The following DYM variants were observed in gnomAD, a reference collection of about 807,000 sequenced individuals.
The protein encoded by DYM is dymeclin.
A neutral mutation model predicts 93.1 loss-of-function variants in DYM; 78 were observed. That is an observed-to-expected ratio of 0.84 (90% confidence interval 0.70 to 1.01). The LOEUF is 1.01. Among genes scored for constraint, DYM ranks in the 50% least tolerant of loss-of-function variants. DYM has a pLI of 0.00. For missense variants in DYM, 789 were observed against 845.0 expected (o/e 0.93, Z 0.82); for synonymous variants, 321 against 319.7 (o/e 1.00, Z -0.04).
intron 17 of DYM, among the ~76,000 whole-genome samples, chr18:49,082,416 A>G (rs576390731): frequency 1.3e-5 from 2 of 152,362 alleles, no homozygotes; most frequent in African/African-American, 4.8e-5. Flanking sequence ...CTTGATACCT[A>G]GAAGCAAAAA....
rs1455199175 is a variant in DYM at position 49,436,289 on chromosome 18, TA to T, written c.-53-5843del. ...CCTAGGCTTCCCAAAGCACTGGAAT[TA>T]GAGGTATGAGCCACCTCTCCCAGCT... On this transcript the variant is annotated intron_variant, in intron 1 of 17. Coordinates refer to ENST00000675505, the MANE Select transcript of DYM (RefSeq NM_001353214.3). 8.5e-5 allele frequency among the ~76,000 whole-genome samples: 13 copies of T among 152,306 alleles called. No individual in the cohort carries two copies. The East Asian group carries it at 2.5e-3, about 29-fold the overall frequency.
chr18:49,286,588 A>T lies in DYM; in HGVS notation c.792T>A (p.Gly264=). The T allele has an allele frequency of 6.2e-7, 1 of 1,613,996 alleles. No homozygotes were observed. The highest frequency in any genetic ancestry group is 1.1e-5 in the South Asian group (1 of 91,082). The change falls in exon 9 of 18, where the codon GGT becomes GGA. Residue 264 remains glycine, a synonymous_variant. Transcript: ENST00000675505. ...ATGLWTVFTL[G]GVGSKAAASP... ...AGGCAGCCGCTTTGCTGCCCACACC[A>T]CCTAGTGTGAAGACAGTCCAGAGTC...
At chr18:49,254,628 T>G (rs1297191564) in intron 13 of DYM, among the ~76,000 whole-genome samples, 1 of 152,200 alleles carries the variant, frequency 6.6e-6, no homozygotes. Flanking sequence ...TATATGCATT[T>G]TTCCCAACTA....
chr18:49,074,681 G>A (rs2144981218), intron 17 of DYM, among the ~76,000 whole-genome samples: 1 of 152,314 alleles, frequency 6.6e-6, no homozygotes. Flanking sequence ...ATACTCATCT[G>A]TGCTTTGTAG....
intron 15 of DYM, among the ~76,000 whole-genome samples, chr18:49,128,969 A>C (rs1237970600): frequency 1.3e-5 from 2 of 152,166 alleles, no homozygotes; most frequent in African/African-American, 4.8e-5. Context: ...GAAGGGAAAT[A>C]ATCTGTAAAC....
At chr18:49,239,909 C>T (rs2093971445) in intron 13 of DYM, among the ~76,000 whole-genome samples, 1 of 152,200 alleles carries the variant, frequency 6.6e-6, no homozygotes, top group Non-Finnish European at 1.5e-5. Flanking sequence ...TATTTCATAA[C>T]CACACCCAGG....
rs755899984 is a variant in DYM at position 49,043,534 on chromosome 18, C to T, written c.*521G>A. ...GTGCCCTCTGACAGGCAACCAAACA[C>T]ACACGACTTCATTTCTTTATTAATT... On this transcript the variant is annotated 3_prime_UTR_variant, in exon 18 of 18. Transcript: ENST00000675505. The T allele has an allele frequency of 6.4e-6, 1 of 155,218 alleles. No individual in the cohort carries two copies. Among genetic ancestry groups the T allele is most frequent in the Non-Finnish European group, 1.4e-5 (1 of 69,986 alleles). The allele number at this position is 155,218 out of a possible 1,614,324, so 9.6% of individuals were successfully genotyped here.
intron 2 of DYM, among the ~76,000 whole-genome samples, chr18:49,407,883 C>A (rs533044102): frequency 1.1e-4 from 17 of 152,108 alleles, no homozygotes; most frequent in African/African-American, 4.1e-4. Flanking sequence ...AAAGAACCAC[C>A]CTGTACATTT....
intron 6 of DYM, among the ~76,000 whole-genome samples, chr18:49,356,508 C>A (rs936296023): frequency 4.6e-5 from 7 of 152,036 alleles, no homozygotes; most frequent in African/African-American, 1.7e-4. Flanking sequence ...CTGTAGTCAC[C>A]CCCCAACCCT....
chr18:49,139,220 TAAAAC>T (rs1242117978), intron 15 of DYM, among the ~76,000 whole-genome samples: 1 of 152,118 alleles, frequency 6.6e-6, no homozygotes, highest in African/African-American at 2.4e-5. Flanking sequence ...TTACTAGACT[TAAAAC>T]AGAAAAAGAG....
intron 13 of DYM, among the ~76,000 whole-genome samples, chr18:49,224,709 C>T (rs77785964): frequency 0.014 from 2,114 of 152,096 alleles, 47 homozygotes; most frequent in African/African-American, 0.048. Context: ...CCAAATCAGT[C>T]GGCGCCTTGA....
intron 17 of DYM, among the ~76,000 whole-genome samples, chr18:49,068,021 T>C (rs765086503): frequency 6.6e-6 from 1 of 152,136 alleles, no homozygotes; most frequent in African/African-American, 2.4e-5. Context: ...AAATACATCA[T>C]AAACATCAAG....
intron 1 of DYM, among the ~76,000 whole-genome samples, chr18:49,453,580 G>A (rs1175145217): frequency 6.6e-6 from 1 of 152,178 alleles, no homozygotes; most frequent in African/African-American, 2.4e-5. Flanking sequence ...AACACTCACC[G>A]TGAGGGTCCG....
At position 49,036,933 on chromosome 18, in the gene DYM, G is replaced by A. The variant is rs372813541; in HGVS notation, c.*7122C>T. 1.9e-4 allele frequency among the ~76,000 whole-genome samples: 28 copies of A among 150,690 alleles called. No homozygotes were observed. In the South Asian group the frequency reaches 4.9e-3, roughly 26 times the overall value. ...TTTATTTATTTTGGGACGGAGTCTC[G>A]CTCTGTTGCCCAGGCTGGAGTGCAG... On this transcript the variant is annotated 3_prime_UTR_variant, in exon 18 of 18. Transcript: ENST00000675505.
intron 6 of DYM, among the ~76,000 whole-genome samples, chr18:49,351,955 T>G (rs902858043): frequency 6.6e-6 from 1 of 152,152 alleles, no homozygotes; most frequent in Non-Finnish European, 1.5e-5. Flanking sequence ...GCAACCAGTC[T>G]AGATTGAAGC....
intron 13 of DYM, among the ~76,000 whole-genome samples, chr18:49,231,293 A>T (rs556353801): frequency 2.0e-5 from 3 of 152,312 alleles, no homozygotes; most frequent in Non-Finnish European, 1.5e-5. Context: ...CTGCTCTGGG[A>T]GGAGTAGAGT....
intron 17 of DYM, among the ~76,000 whole-genome samples, chr18:49,080,577 G>A (rs1256705963): frequency 1.4e-5 from 2 of 141,546 alleles, no homozygotes; most frequent in Non-Finnish European, 1.6e-5. Context: ...CGGGGCGGCT[G>A]GCCGGGCGGG....
In DYM at chr18:49,097,502, A is replaced by C; in HGVS notation, c.1925T>G (p.Phe642Cys). The C allele has an allele frequency of 6.2e-7, 1 of 1,613,960 alleles. No homozygotes were observed. Among genetic ancestry groups the C allele is most frequent in the Non-Finnish European group, 8.5e-7 (1 of 1,179,882 alleles). Residue 642 changes from phenylalanine to cysteine, a missense_variant, in exon 17 of 18, where the codon TTT becomes TGT. Physicochemically the swap from Phe to Cys is radical, Grantham distance 205 (BLOSUM62 -2). Coordinates refer to ENST00000675505, the MANE Select transcript of DYM (RefSeq NM_001353214.3). ...MQNIDLVISF[F>C]SSRLLQAGAE... ...TCCAGCTTGCAGCAACCTTGAGCTA[A>C]AGAAGGAGATCACCTGTAATGTAAA...
At chr18:49,101,174 C>G (rs369130651) in intron 16 of DYM, among the ~76,000 whole-genome samples, 1 of 152,148 alleles carries the variant, frequency 6.6e-6, no homozygotes, top group African/African-American at 2.4e-5. Context: ...TTTTATTCCT[C>G]TGAAAATCTC....
Sources: allele counts gnomAD v4.1 joint callset (sites outside exome capture counted in the v4.1 genomes callset), GRCh38; gene constraint gnomAD v4.1.1; transcripts MANE v1.5; gene names NCBI Gene and HGNC (gene_info 2026-07-23, HGNC 2026-07-21).